The following FAM178B variants were observed in gnomAD, a reference collection of about 807,000 sequenced individuals.
FAM178B encodes the protein protein FAM178B.
A neutral mutation model predicts 91.7 loss-of-function variants in FAM178B; 82 were observed. The observed-to-expected ratio is 0.89, with a 90% CI of 0.75 to 1.07. The LOEUF (loss-of-function observed/expected upper bound fraction) is 1.07. FAM178B is among the 50% of genes least tolerant of loss of function. The pLI, the probability that FAM178B is intolerant of heterozygous loss-of-function variation, is 0.00. For synonymous variants in FAM178B, 368 were observed against 359.4 expected, an observed-to-expected ratio of 1.02 and a Z score of -0.27; for missense variants, 769 against 846.7, an observed-to-expected ratio of 0.91 and a Z score of 1.14.
At chr2:96,883,424 C>T (rs1423656898) in intron 14 of FAM178B, among the ~76,000 whole-genome samples, 1 of 152,190 alleles carries the variant, frequency 6.6e-6, no homozygotes, top group African/African-American at 2.4e-5. Context: ...AAGCCACTCG[C>T]TCTGGCCAGA....
chr2:96,908,879 C>A (rs926665439), intron 12 of FAM178B, among the ~76,000 whole-genome samples: 1 of 152,176 alleles, frequency 6.6e-6, no homozygotes, highest in Non-Finnish European at 1.5e-5. Context: ...GGCGCAGTGG[C>A]TCTCGCCTGT....
chr2:96,958,067 CTTTTTTT>C (rs66515058), intron 6 of FAM178B, among the ~76,000 whole-genome samples: 1 of 101,382 alleles, frequency 9.9e-6, no homozygotes, highest in Non-Finnish European at 2.2e-5. Context: ...TTTGAAGAAT[CTTTTTTT>C]TTTTTTTTTT....
chr2:96,969,207 A>G (rs928189570), intron 4 of FAM178B, among the ~76,000 whole-genome samples: 3 of 152,220 alleles, frequency 2.0e-5, no homozygotes, highest in Non-Finnish European at 4.4e-5. Context: ...ACAGCGTCCT[A>G]TGGACTAAAT....
At chr2:96,918,833 C>T (rs1398270928) in intron 12 of FAM178B, among the ~76,000 whole-genome samples, 2 of 152,134 alleles carry the variant, frequency 1.3e-5, no homozygotes, top group African/African-American at 2.4e-5. Flanking sequence ...CTGACTTAAC[C>T]GGTTTATGTT....
At chr2:96,899,061 G>A (rs2080876261) in intron 13 of FAM178B, among the ~76,000 whole-genome samples, 1 of 152,224 alleles carries the variant, frequency 6.6e-6, no homozygotes. Flanking sequence ...AAAGGGGAGT[G>A]CCTGGCAGCC....
Position 96,890,427 on chromosome 2 carries a change from G to A in FAM178B, c.1776+3499C>T, listed in dbSNP as rs79160678. Among the ~76,000 whole-genome samples, 281 of 152,284 alleles carry A rather than the reference G, an allele frequency of 1.8e-3. 8 individuals are homozygous for A. In the East Asian group the frequency reaches 0.034, roughly 18 times the overall value. ...TGCAGTGAGCCTTGATGGCGCCACTGCATTCCAGCCTGAGCAATAGAGTGA... is the reference window on the plus strand; with the variant it reads ...TGCAGTGAGCCTTGATGGCGCCACTACATTCCAGCCTGAGCAATAGAGTGA... On this transcript the variant is annotated intron_variant, in intron 14 of 16. Transcript: ENST00000490605.
intron 12 of FAM178B, among the ~76,000 whole-genome samples, chr2:96,920,473 G>A (rs1218683029): frequency 6.6e-6 from 1 of 152,048 alleles, no homozygotes; most frequent in African/African-American, 2.4e-5. Flanking sequence ...GGTGGCGGGC[G>A]CCTGTAGTCC....
At chr2:96,878,825 G>A (rs910245408) in intron 14 of FAM178B, among the ~76,000 whole-genome samples, 3 of 152,208 alleles carry the variant, frequency 2.0e-5, no homozygotes, top group Admixed American at 2.0e-4. Flanking sequence ...GCAGCAGAAC[G>A]CACCTTCTGG....
chr2:96,901,677 T>C (rs1408369470), intron 13 of FAM178B, among the ~76,000 whole-genome samples: 1 of 151,842 alleles, frequency 6.6e-6, no homozygotes, highest in Admixed American at 6.6e-5. Flanking sequence ...GTTTAATGAG[T>C]GTGGAGTTTC....
rs1362138155 is a variant in FAM178B at position 96,981,759 on chromosome 2, A to AAAAAAG, written c.73+4481_73+4482insCTTTTT. Among the ~76,000 whole-genome samples, 3 of 149,372 alleles carry AAAAAAG rather than the reference A, an allele frequency of 2.0e-5. No homozygotes were observed. The South Asian group carries it at 6.3e-4, about 32-fold the overall frequency. ...CCGTCTCAAAAAAAAAAAAAAAAAA[A>AAAAAAG]AAAGAAAGAAAGAAACTGTCCTCTA... On this transcript the variant is annotated intron_variant, in intron 1 of 16. Transcript: ENST00000490605.
chr2:96,943,779 G>T (rs959052260), intron 8 of FAM178B, among the ~76,000 whole-genome samples: 1 of 151,936 alleles, frequency 6.6e-6, no homozygotes, highest in African/African-American at 2.4e-5. Context: ...CTTCCACCTC[G>T]TCTTTGTTCC....
Position 96,902,566 on chromosome 2 carries a change from C to T in FAM178B, c.1650+54G>A, listed in dbSNP as rs185942156. ...GATGTTCCTGGCCTTTGGGGAAAGC[C>T]TCCAGAGCCCGCAGGCCATGGCCTT... On this transcript the variant is annotated intron_variant, in intron 13 of 16. Coordinates refer to ENST00000490605, the MANE Select transcript of FAM178B (RefSeq NM_001122646.3). The T allele has an allele frequency of 5.4e-5, 70 of 1,303,298 alleles. No homozygotes were observed. In the Middle Eastern group the frequency reaches 1.4e-3, roughly 27 times the overall value. The allele number at this position is 1,303,298 out of a possible 1,614,324, so 80.7% of individuals were successfully genotyped here. A position where few individuals can be genotyped will look rare whatever the true frequency, so the allele number is the denominator to read the frequency against.
chr2:96,929,494 TG>T (rs2081504716), intron 8 of FAM178B, among the ~76,000 whole-genome samples, 174 bp from the exon 9 acceptor site: 1 of 152,228 alleles, frequency 6.6e-6, no homozygotes, highest in Non-Finnish European at 1.5e-5. Flanking sequence ...CAAGTACTTC[TG>T]GGGCTTTGTG....
In FAM178B at chr2:96,921,359, G is replaced by A. The variant is rs568372281; in HGVS notation, c.1465-97C>T. ...ACAGGGGAGTAAGTGGGCAGTCACG[G>A]AGATCAGGGACATTCCGATGACCTC... On this transcript the variant is annotated intron_variant, in intron 11 of 16. Transcript: ENST00000490605. 157 of 1,506,360 alleles carry A rather than the reference G, an allele frequency of 1.0e-4. 1 individual carries two copies. The highest frequency in any genetic ancestry group is 4.2e-5 in the African/African-American group (3 of 72,180). 93.3% of individuals were successfully genotyped at this position (1,506,360 alleles called of 1,614,324 possible).
intron 14 of FAM178B, among the ~76,000 whole-genome samples, chr2:96,887,309 T>C (rs1445756533): frequency 6.6e-6 from 1 of 152,170 alleles, no homozygotes; most frequent in African/African-American, 2.4e-5. Context: ...CTTCAGATGA[T>C]CCTCCTGCCT....
At chr2:96,977,868 T>C in intron 1 of FAM178B, 1 of 452,186 alleles carries the variant, frequency 2.2e-6, no homozygotes, top group African/African-American at 2.0e-5. Flanking sequence ...CAGTTTTGGC[T>C]GCTTCTCAAG....
intron 12 of FAM178B, among the ~76,000 whole-genome samples, chr2:96,906,063 GTT>G (rs1198513495): frequency 2.7e-5 from 4 of 146,908 alleles, no homozygotes; most frequent in Non-Finnish European, 6.0e-5. Flanking sequence ...TAGAGACGGG[GTT>G]TCTCCATGTT....
chr2:96,942,694 C>T (rs558789728), intron 8 of FAM178B, among the ~76,000 whole-genome samples: 1 of 152,116 alleles, frequency 6.6e-6, no homozygotes, highest in African/African-American at 2.4e-5. Context: ...TGAGCCTGGC[C>T]AACAAATTTT....
At chr2:96,923,301 CTT>C (rs1370811387) in intron 10 of FAM178B, among the ~76,000 whole-genome samples, 187 bp downstream of exon 10, 2 of 152,220 alleles carry the variant, frequency 1.3e-5, no homozygotes, top group Non-Finnish European at 1.5e-5. Context: ...AGAACTCTCT[CTT>C]GGGGCCTAGA....
Sources: gnomAD v4.1 joint callset for allele counts (sites outside exome capture counted in the v4.1 genomes callset) on GRCh38, gnomAD v4.1.1 for gene constraint, MANE v1.5 for transcripts, NCBI Gene and HGNC (gene_info 2026-07-23, HGNC 2026-07-21) for gene names.